Variants in NPR2 observed in about 807,000 individuals in gnomAD.
NPR2 encodes atrial natriuretic peptide receptor 2.
NPR2 carries 49 observed loss-of-function variants against 120.7 expected under a neutral mutation model. The ratio of observed to expected loss-of-function variants is 0.41; its 90% CI spans 0.32 to 0.52. The LOEUF (loss-of-function observed/expected upper bound fraction) is 0.52, where lower values mean the gene tolerates loss of function less well. Among genes scored for constraint, NPR2 ranks in the 20% least tolerant of loss-of-function variants. NPR2 has a pLI of 0.36. For missense variants in NPR2, 931 were observed against 1,362.9 expected, an observed-to-expected ratio of 0.68 and a Z score of 4.99; for synonymous variants, 484 against 519.8, an observed-to-expected ratio of 0.93 and a Z score of 0.94.
chr9:35,799,956 C>T, intron 3 of NPR2, 66 bp from the exon 4 acceptor site: 1 of 1,607,116 alleles, frequency 6.2e-7, no homozygotes, highest in South Asian at 1.1e-5. Context: ...AGAAGGGAGA[C>T]CCCAGAGAGA....
rs1473307597 is a variant in NPR2, at chr9:35,802,397, C to T, written c.1711-106C>T. The T allele has an allele frequency of 7.3e-6, 7 of 959,574 alleles. No individual in the cohort carries two copies. Among genetic ancestry groups the T allele is most frequent in the Admixed American group, 3.5e-5 (2 of 57,812 alleles). The allele number at this position is 959,574 out of a possible 1,614,324, so 59.4% of individuals were successfully genotyped here. A position where few individuals can be genotyped will look rare whatever the true frequency, so the allele number is the denominator to read the frequency against. ...GTTGATTTATAAATGATTTTAAAATCGTAGATACAACTAAGAGAAAGGTCC... is the reference window on the plus strand; with the variant it reads ...GTTGATTTATAAATGATTTTAAAATTGTAGATACAACTAAGAGAAAGGTCC... On this transcript the variant is annotated intron_variant, in intron 10 of 21. Transcript: ENST00000342694. The surrounding 1 kb of genome is among the most constrained non-coding windows in gnomAD (Gnocchi z 4.2).
intron 2 of NPR2, among the ~76,000 whole-genome samples, chr9:35,797,174 A>G (rs1827970412): frequency 6.6e-6 from 1 of 152,172 alleles, no homozygotes; most frequent in Non-Finnish European, 1.5e-5. Context: ...GAATTGAATT[A>G]GGGGTGTGTT....
At position 35,809,640 on chromosome 9, in the gene NPR2, T is replaced by TCCCC. The variant is rs1828657699; in HGVS notation, c.*196_*199dup. The stretch of plus-strand genomic sequence containing the variant: ...ATATACCTGTCCCTCTCTGGCTTGG[T>TCCCC]CCCCTTCCTCCCTACTTTCTGTAAA... On this transcript the variant is annotated 3_prime_UTR_variant, in exon 22 of 22. Transcript: ENST00000342694. This position sits in a 1 kb window ranked among gnomAD's most constrained non-coding sequence, Gnocchi z 4.1. The TCCCC allele has an allele frequency of 9.1e-7, 1 of 1,101,236 alleles. No individual in the cohort carries two copies. Among genetic ancestry groups the TCCCC allele is most frequent in the African/African-American group, 1.5e-5 (1 of 65,252 alleles). 68.2% of individuals were successfully genotyped at this position (1,101,236 alleles called of 1,614,324 possible).
rs1338036690 is a variant in NPR2 at position 35,802,897 on chromosome 9, C to G, written c.1887+94C>G. 6 of 861,656 alleles carry G rather than the reference C, an allele frequency of 7.0e-6. No homozygotes were observed. Among genetic ancestry groups the G allele is most frequent in the Non-Finnish European group, 1.2e-5 (6 of 499,410 alleles). 53.4% of individuals were successfully genotyped at this position (861,656 alleles called of 1,614,324 possible). A position where few individuals can be genotyped will look rare whatever the true frequency, so the allele number is the denominator to read the frequency against. On this transcript the variant is annotated intron_variant, in intron 12 of 21. Transcript: ENST00000342694. This position sits in a 1 kb window ranked among gnomAD's most constrained non-coding sequence, Gnocchi z 4.2. ...TTTCTCCTTCTAGTCCTCTGAAGTC[C>G]TGTTCTCTCATCTCCCCTTATTCCC...
In NPR2 at chr9:35,792,584, C is replaced by A. The variant is rs755927876; in HGVS notation, c.176C>A (p.Ala59Glu). The change falls in exon 1 of 22, where the codon GCA (alanine) becomes GAA (glutamate). Residue 59 changes from alanine to glutamate, a missense_variant. By Grantham distance (107) the Ala-to-Glu change is moderately radical. Coordinates refer to ENST00000342694, the MANE Select transcript of NPR2 (RefSeq NM_003995.4). ...VALAVEALGR[A>E]LPVDLRFVSS... The stretch of plus-strand genomic sequence containing the variant: ...CTAGCTGTGGAGGCTCTGGGCCGGG[C>A]ACTGCCCGTGGACCTGCGGTTTGTC... 2 of 1,613,148 alleles carry A rather than the reference C, an allele frequency of 1.2e-6. No individual in the cohort carries two copies. The highest frequency in any genetic ancestry group is 1.7e-6 in the Non-Finnish European group (2 of 1,179,994).
chr9:35,800,763 A>G lies in NPR2; in HGVS notation c.1273A>G (p.Ile425Val). The G allele has an allele frequency of 6.2e-7, 1 of 1,614,126 alleles. No homozygotes were observed. The highest frequency in any genetic ancestry group is 2.2e-5 in the East Asian group (1 of 44,872). Residue 425 changes from isoleucine to valine, a missense_variant, in exon 6 of 22, where the codon ATT (isoleucine) becomes GTT (valine). Transcript: ENST00000342694. The surrounding 1 kb of genome is among the most constrained non-coding windows in gnomAD (Gnocchi z 4.7). ...EKQIWWTGRP[I>V]PWVKGAPPSD... is the part of the protein sequence containing the mutation. The stretch of plus-strand genomic sequence containing the variant: ...GCAGATTTGGTGGACGGGACGGCCT[A>G]TTCCCTGGGTGAAGGGGGCTCCTCC...
In NPR2 at chr9:35,791,870, C is replaced by T. The variant is rs1827791325; in HGVS notation, c.-539C>T. On this transcript the variant is annotated 5_prime_UTR_variant, in exon 1 of 22. Coordinates refer to ENST00000342694, the MANE Select transcript of NPR2 (RefSeq NM_003995.4). ...TTTACCCCTGCCTTCCCCTGCCCTC[C>T]GGCCCAGGCCTCGCTTCGCTCCCCG... Among the ~76,000 whole-genome samples, 1 of 151,998 alleles carries T rather than the reference C, an allele frequency of 6.6e-6. No homozygotes were observed. The highest frequency in any genetic ancestry group is 2.4e-5 in the African/African-American group (1 of 41,382).
Position 35,807,155 on chromosome 9 carries a change from C to T in NPR2, c.2643+9C>T. 1.0e-6 allele frequency: 1 copy of T among 999,354 alleles called. No individual in the cohort carries two copies. The highest frequency in any genetic ancestry group is 1.4e-6 in the Non-Finnish European group (1 of 712,338). 61.9% of individuals were successfully genotyped at this position (999,354 alleles called of 1,614,324 possible). A position where few individuals can be genotyped will look rare whatever the true frequency, so the allele number is the denominator to read the frequency against. ...AGAGCACCCCCATGCAGGTGAGAGC[C>T]ATGGGTGAGAGGTGGCGGGTGGGGT... On this transcript the variant is annotated intron_variant, in intron 17 of 21. Coordinates refer to ENST00000342694, the MANE Select transcript of NPR2 (RefSeq NM_003995.4).
Position 35,806,221 on chromosome 9 carries a change from G to A in NPR2, c.2360G>A (p.Arg787Gln), listed in dbSNP as rs370822948. 14 of 1,614,164 alleles carry A rather than the reference G, an allele frequency of 8.7e-6. No homozygotes were observed. Among genetic ancestry groups the A allele is most frequent in the East Asian group, 4.5e-5 (2 of 44,882 alleles). Residue 787 changes from arginine (R) to glutamine (Q), a missense_variant, in exon 15 of 22, where the codon CGG becomes CAG. Transcript: ENST00000342694. This position sits in a 1 kb window ranked among gnomAD's most constrained non-coding sequence, Gnocchi z 4.6. ...TTTGGACAGATTAAGGGCTTCATTC[G>A]GCGCTTTAACAAGTGAGAGGGCATT... is the stretch of plus-strand genomic sequence containing the variant. ...PDFGQIKGFIRRFNKEGGTSI... is the reference protein window; with the variant it reads ...PDFGQIKGFIQRFNKEGGTSI...
rs1033738525 is a variant in NPR2, at chr9:35,805,333, T to C, written c.1888-178T>C. Among the ~76,000 whole-genome samples the C allele has an allele frequency of 6.6e-6, 1 of 152,214 alleles. No homozygotes were observed. Among genetic ancestry groups the C allele is most frequent in the Non-Finnish European group, 1.5e-5 (1 of 68,036 alleles). ...TCCTGCTTATGATACCAGGAACAGA[T>C]GACTCTTCTGTTCTTCCTGCTTCCT... On this transcript the variant is annotated intron_variant, in intron 12 of 21. Coordinates refer to ENST00000342694, the MANE Select transcript of NPR2 (RefSeq NM_003995.4). The surrounding 1 kb of genome is among the most constrained non-coding windows in gnomAD (Gnocchi z 4.9).
intron 2 of NPR2, 34 bp downstream of exon 2, chr9:35,794,137 G>A (rs371652379): frequency 9.3e-5 from 148 of 1,594,084 alleles, no homozygotes; most frequent in Middle Eastern, 1.8e-4. Flanking sequence ...GGAGGAGGGG[G>A]AAGAGGTGCT....
rs1828127594 is a variant in NPR2 at position 35,800,953 on chromosome 9, C to G, written c.1351+112C>G. The G allele has an allele frequency of 6.5e-7, 1 of 1,541,436 alleles. No homozygotes were observed. The highest frequency in any genetic ancestry group is 9.0e-7 in the Non-Finnish European group (1 of 1,113,892). On this transcript the variant is annotated intron_variant, in intron 6 of 21. Coordinates refer to ENST00000342694, the MANE Select transcript of NPR2 (RefSeq NM_003995.4). The surrounding 1 kb of genome is among the most constrained non-coding windows in gnomAD (Gnocchi z 4.7). ...TGTGCTTCTGCCTTTACGTCTGCATCCCTCCCTCCTCATTTCTTCCTACTC... is the reference window on the plus strand; with the variant it reads ...TGTGCTTCTGCCTTTACGTCTGCATGCCTCCCTCCTCATTTCTTCCTACTC...
intron 17 of NPR2, 68 bp from the exon 18 acceptor site, chr9:35,807,262 T>C: frequency 6.6e-7 from 1 of 1,504,872 alleles, no homozygotes; most frequent in Non-Finnish European, 9.3e-7. Flanking sequence ...TTTTGATGGC[T>C]TGTGGGTTAA....
chr9:35,799,009 C>T (rs1563986284), intron 2 of NPR2, among the ~76,000 whole-genome samples: 1 of 152,240 alleles, frequency 6.6e-6, no homozygotes, highest in African/African-American at 2.4e-5. Flanking sequence ...AATGGATGAG[C>T]ACACAGCTTT....
chr9:35,802,160 A>T lies in NPR2; in HGVS notation c.1633-46A>T. 1 of 1,379,044 alleles carries T rather than the reference A, an allele frequency of 7.3e-7. No homozygotes were observed. The highest frequency in any genetic ancestry group is 1.2e-5 in the South Asian group (1 of 86,356). The allele number at this position is 1,379,044 out of a possible 1,614,324, so 85.4% of individuals were successfully genotyped here. ...CTCTCTAGCATTTCCTTGTACCCAG[A>T]ACTTCTGATATTCACTTTCCTTTCC... On this transcript the variant is annotated intron_variant, in intron 9 of 21. Transcript: ENST00000342694. This position sits in a 1 kb window ranked among gnomAD's most constrained non-coding sequence, Gnocchi z 4.2.
chr9:35,801,717 C>T lies in NPR2; in HGVS notation c.1511C>T (p.Ser504Leu). 2 of 1,614,210 alleles carry T rather than the reference C, an allele frequency of 1.2e-6. No homozygotes were observed. Among genetic ancestry groups the T allele is most frequent in the Non-Finnish European group, 1.7e-6 (2 of 1,180,028 alleles). Residue 504 changes from serine (S) to leucine (L), a missense_variant, in exon 8 of 22, where the codon TCA (serine) becomes TTA (leucine). Coordinates refer to ENST00000342694, the MANE Select transcript of NPR2 (RefSeq NM_003995.4). ...TGGGAAGAACTGCAGTTTGGCAACT[C>T]AGAGCGTTATCACAAAGGTGCAGGC... Reference protein sequence around the residue: ...IRWEELQFGNSERYHKGAGSR... With the variant: ...IRWEELQFGNLERYHKGAGSR...
chr9:35,808,402 C>T lies in NPR2; in HGVS notation c.2713-107C>T, dbSNP rs937754304. On this transcript the variant is annotated intron_variant, in intron 18 of 21. Coordinates refer to ENST00000342694, the MANE Select transcript of NPR2 (RefSeq NM_003995.4). The surrounding 1 kb of genome is among the most constrained non-coding windows in gnomAD (Gnocchi z 4.0). ...TATTTTCTAGTCAATATTCTGGTCT[C>T]CAGCATGTCAGGATGATTAATGATG... 3 of 1,418,770 alleles carry T rather than the reference C, an allele frequency of 2.1e-6. No individual in the cohort carries two copies. Among genetic ancestry groups the T allele is most frequent in the East Asian group, 2.3e-5 (1 of 43,604 alleles). 87.9% of individuals were successfully genotyped at this position (1,418,770 alleles called of 1,614,324 possible).
At position 35,800,137 on chromosome 9, in the gene NPR2, T is replaced by C. The variant is rs753822520; in HGVS notation, c.1103T>C (p.Met368Thr). 1.2e-6 allele frequency: 2 copies of C among 1,614,004 alleles called. No homozygotes were observed. The highest frequency in any genetic ancestry group is 3.3e-5 in the Admixed American group (2 of 60,024). Reference sequence around the variant, plus strand: ...GATGGACTTCGAATTGTGGAAAAGATGCAGGGACGAAGATATCACGGTAAT... The same window carrying C: ...GATGGACTTCGAATTGTGGAAAAGACGCAGGGACGAAGATATCACGGTAAT... Reference protein sequence around the residue: ...REDGLRIVEKMQGRRYHGVTG... With the variant: ...REDGLRIVEKTQGRRYHGVTG... Residue 368 changes from methionine (M) to threonine (T), a missense_variant, in exon 4 of 22, where the codon ATG becomes ACG. By Grantham distance (81) the Met-to-Thr change is moderately conservative (BLOSUM62 -1). Around this residue, in one of 3 missense-constraint regions of NPR2, gnomAD observed 681 missense variants for 974.3 expected, o/e 0.70. Transcript: ENST00000342694. This position sits in a 1 kb window ranked among gnomAD's most constrained non-coding sequence, Gnocchi z 4.7.
rs1360876530 is a variant in NPR2 at position 35,800,461 on chromosome 9, A to G, written c.1196A>G (p.Asp399Gly). The change falls in exon 5 of 22, where the codon GAC (aspartate) becomes GGC (glycine). Residue 399 changes from aspartate to glycine, a missense_variant. Asp to Gly is a moderately conservative substitution (Grantham distance 94). Around this residue, in one of 3 missense-constraint regions of NPR2, gnomAD observed 681 missense variants for 974.3 expected, o/e 0.70. Transcript: ENST00000342694. The surrounding 1 kb of genome is among the most constrained non-coding windows in gnomAD (Gnocchi z 4.7). The part of the protein sequence containing the change: ...ETDFVLWAMG[D>G]LDSGDFQPAA... ...GACTTTGTCCTCTGGGCCATGGGAG[A>G]CCTGGATTCTGGGGACTTTCAGGTG... 1 of 1,613,896 alleles carries G rather than the reference A, an allele frequency of 6.2e-7. No homozygotes were observed. The highest frequency in any genetic ancestry group is 2.2e-5 in the East Asian group (1 of 44,882).
Sources: gnomAD v4.1 joint callset for allele counts (sites outside exome capture counted in the v4.1 genomes callset) on GRCh38, gnomAD v4.1.1 for gene constraint, gnomAD v4.1.1 regional missense constraint, Gnocchi (gnomAD v3.1) non-coding constraint, MANE v1.5 for transcripts, NCBI Gene and HGNC (gene_info 2026-07-23, HGNC 2026-07-21) for gene names.